MIOS: variants seen among roughly 807,000 people sequenced by gnomAD.
The protein encoded by MIOS is meiosis regulator for oocyte development, also known as GATOR2 complex protein MIOS.
In MIOS, 52 loss-of-function variants were observed where a neutral mutation model predicts 96.9. The ratio of observed to expected loss-of-function variants is 0.54; its 90% CI spans 0.43 to 0.68. The LOEUF is 0.68. Ranked by LOEUF, MIOS falls within the 30% of genes least tolerant of loss-of-function variation. MIOS has a pLI of 0.00. For missense variants in MIOS, 1,005 were observed against 1,052.8 expected, an observed-to-expected ratio of 0.95 and a Z score of 0.63; for synonymous variants, 397 against 359.5, an observed-to-expected ratio of 1.10 and a Z score of -1.18.
chr7:7,568,785 C>T (rs1262261995), intron 3 of MIOS, among the ~76,000 whole-genome samples: 2 of 152,178 alleles, frequency 1.3e-5, no homozygotes, highest in East Asian at 3.8e-4. Context: ...TCACTTTACT[C>T]CTTTGTGAAA....
rs917175887 is a variant in MIOS, at chr7:7,573,839, A to G, written c.1294+70A>G. 2 of 1,369,890 alleles carry G rather than the reference A, an allele frequency of 1.5e-6. No individual in the cohort carries two copies. Among genetic ancestry groups the G allele is most frequent in the Non-Finnish European group, 2.0e-6 (2 of 1,004,652 alleles). 84.9% of individuals were successfully genotyped at this position (1,369,890 alleles called of 1,614,324 possible). A position where few individuals can be genotyped will look rare whatever the true frequency, so the allele number is the denominator to read the frequency against. On this transcript the variant is annotated intron_variant, in intron 4 of 12. Transcript: ENST00000340080. This position sits in a 1 kb window ranked among gnomAD's most constrained non-coding sequence, Gnocchi z 5.0. Reference sequence around the variant, plus strand: ...TGTTCTTGAAGTTTGCCAAAAGGTCAGTCTGTAAATATGCTCAATGTTTTA... The same window carrying G: ...TGTTCTTGAAGTTTGCCAAAAGGTCGGTCTGTAAATATGCTCAATGTTTTA...
intron 11 of MIOS, among the ~76,000 whole-genome samples, chr7:7,599,886 A>T (rs532408024): frequency 6.6e-6 from 1 of 152,190 alleles, no homozygotes; most frequent in Non-Finnish European, 1.5e-5. Context: ...AGCAGCATGG[A>T]TAGAGCTGGA....
intron 9 of MIOS, among the ~76,000 whole-genome samples, chr7:7,593,223 C>T (rs183187647): frequency 2.2e-4 from 34 of 152,268 alleles, no homozygotes; most frequent in Admixed American, 4.6e-4. Flanking sequence ...CCTACTTGGT[C>T]ATAATTAGGG....
chr7:7,580,125 A>G (rs1229537837), intron 5 of MIOS, among the ~76,000 whole-genome samples: 1 of 152,204 alleles, frequency 6.6e-6, no homozygotes, highest in Non-Finnish European at 1.5e-5. Flanking sequence ...CACACCTTAT[A>G]ATACATCTCA....
At position 7,572,984 on chromosome 7, in the gene MIOS, C is replaced by T; in HGVS notation, c.509C>T (p.Thr170Ile). ...AAACTTTCAGCAGGTGAAACTGAAA[C>T]AACATTATTAGTAACAAAACCACTT... ...KVKLSAGETETTLLVTKPLYE... is the reference protein window; with the variant it reads ...KVKLSAGETEITLLVTKPLYE... The change falls in exon 4 of 13, where the codon ACA (threonine) becomes ATA (isoleucine). Residue 170 changes from threonine (T) to isoleucine (I), a missense_variant. Physicochemically the swap from Thr to Ile is moderately conservative, Grantham distance 89 (BLOSUM62 -1). Coordinates refer to ENST00000340080, the MANE Select transcript of MIOS (RefSeq NM_019005.4). This position sits in a 1 kb window ranked among gnomAD's most constrained non-coding sequence, Gnocchi z 4.8. The T allele has an allele frequency of 6.2e-7, 1 of 1,614,016 alleles. No homozygotes were observed. The highest frequency in any genetic ancestry group is 8.5e-7 in the Non-Finnish European group (1 of 1,179,964).
At position 7,573,343 on chromosome 7, in the gene MIOS, A is replaced by G; in HGVS notation, c.868A>G (p.Ser290Gly). ...TCTACTTGCCACTTTAACAAGGGAT[A>G]GTAATATTATTAGATTGTATGATAT... ...TGLLATLTRD[S>G]NIIRLYDMQH... The change falls in exon 4 of 13, where the codon AGT becomes GGT. Residue 290 changes from serine (S) to glycine (G), a missense_variant. Coordinates refer to ENST00000340080, the MANE Select transcript of MIOS (RefSeq NM_019005.4). This position sits in a 1 kb window ranked among gnomAD's most constrained non-coding sequence, Gnocchi z 5.0. 1 of 1,614,150 alleles carries G rather than the reference A, an allele frequency of 6.2e-7. No homozygotes were observed. The highest frequency in any genetic ancestry group is 8.5e-7 in the Non-Finnish European group (1 of 1,179,978).
chr7:7,570,662 ATCAGGCATTAGAT>A (rs1271180689), intron 3 of MIOS, among the ~76,000 whole-genome samples: 1 of 151,846 alleles, frequency 6.6e-6, no homozygotes, highest in Non-Finnish European at 1.5e-5. Flanking sequence ...GTGACAGATC[ATCAGGCATTAGAT>A]TCTCACAAGG....
intron 9 of MIOS, among the ~76,000 whole-genome samples, chr7:7,589,833 C>T (rs1783998056): frequency 1.3e-5 from 2 of 152,182 alleles, no homozygotes; most frequent in Admixed American, 1.3e-4. Context: ...TAGAGAAACT[C>T]TCTTCAGTTT....
At chr7:7,583,444 A>G (rs1307993426) in intron 6 of MIOS, 72 bp downstream of exon 6, 2 of 1,412,770 alleles carry the variant, frequency 1.4e-6, no homozygotes, top group Admixed American at 2.6e-5. Flanking sequence ...TTTAAAGAAA[A>G]GAGGCTAATA....
chr7:7,608,167 T>TC lies in MIOS; in HGVS notation c.*1075_*1076insC, dbSNP rs1212573983. On this transcript the variant is annotated 3_prime_UTR_variant, in exon 13 of 13. Transcript: ENST00000340080. ...AAGTCAGGTACTTTATTTAAAACAT[T>TC]TTTTTTTCTCATTTCATAGCTAGAT... The TC allele has an allele frequency of 6.6e-6, 1 of 151,142 alleles. No individual in the cohort carries two copies. Among genetic ancestry groups the TC allele is most frequent in the African/African-American group, 2.4e-5 (1 of 41,014 alleles). The allele number at this position is 151,142 out of a possible 1,614,324, so 9.4% of individuals were successfully genotyped here.
rs558698622 is a variant in MIOS at position 7,606,955 on chromosome 7, C to T, written c.2532-41C>T. The T allele has an allele frequency of 2.9e-6, 4 of 1,382,594 alleles. No individual in the cohort carries two copies. The East Asian group carries it at 6.9e-5, about 24-fold the overall frequency. 85.6% of individuals were successfully genotyped at this position (1,382,594 alleles called of 1,614,324 possible). A position where few individuals can be genotyped will look rare whatever the true frequency, so the allele number is the denominator to read the frequency against. ...AATAAATAAATAAATGTATGTCTGT[C>T]TAATTTGGATTTTTAACTGTTATTT... On this transcript the variant is annotated intron_variant, in intron 12 of 12. Transcript: ENST00000340080.
At position 7,573,145 on chromosome 7, in the gene MIOS, A is replaced by G; in HGVS notation, c.670A>G (p.Thr224Ala). ...TACAAGCCAAAAGATGTTCGTAAAT[A>G]CAAAAGCTGTTCAGGGTGTGACGGT... ...RNTSQKMFVN[T>A]KAVQGVTVDP... The change falls in exon 4 of 13, where the codon ACA (threonine) becomes GCA (alanine). Residue 224 changes from threonine to alanine, a missense_variant. Coordinates refer to ENST00000340080, the MANE Select transcript of MIOS (RefSeq NM_019005.4). This position sits in a 1 kb window ranked among gnomAD's most constrained non-coding sequence, Gnocchi z 5.0. 6.2e-7 allele frequency: 1 copy of G among 1,614,112 alleles called. No homozygotes were observed. Among genetic ancestry groups the G allele is most frequent in the Non-Finnish European group, 8.5e-7 (1 of 1,179,968 alleles).
At chr7:7,580,718 A>G (rs1244047685) in intron 5 of MIOS, among the ~76,000 whole-genome samples, 15 of 139,540 alleles carry the variant, frequency 1.1e-4, no homozygotes, top group African/African-American at 4.0e-4. Context: ...TTTTAAAGAG[A>G]CAGAATCTCA....
chr7:7,593,764 T>C (rs1285294807), intron 9 of MIOS, among the ~76,000 whole-genome samples: 1 of 150,232 alleles, frequency 6.7e-6, no homozygotes, highest in East Asian at 2.0e-4. Context: ...GGCACACCCC[T>C]GTAATCCCAG....
chr7:7,602,226 C>T (rs968444417), intron 11 of MIOS, among the ~76,000 whole-genome samples: 3 of 152,214 alleles, frequency 2.0e-5, no homozygotes, highest in Admixed American at 6.5e-5. Context: ...CTGGCCAGGG[C>T]AATCAGACAG....
rs561323133 is a variant in MIOS at position 7,602,328 on chromosome 7, T to C, written c.2402-3614T>C. ...ATGATTGTATACCTAGAAATCCCCATTGTCTCAGCCCAAAATCTCCTTAAG... is the reference window on the plus strand; with the variant it reads ...ATGATTGTATACCTAGAAATCCCCACTGTCTCAGCCCAAAATCTCCTTAAG... On this transcript the variant is annotated intron_variant, in intron 11 of 12. Coordinates refer to ENST00000340080, the MANE Select transcript of MIOS (RefSeq NM_019005.4). 3.0e-3 allele frequency among the ~76,000 whole-genome samples: 450 copies of C among 152,306 alleles called. 6 individuals are homozygous for C. The highest frequency in any genetic ancestry group is 0.01 in the Admixed American group (154 of 15,300).
chr7:7,602,650 C>G (rs1784413447), intron 11 of MIOS, among the ~76,000 whole-genome samples: 3 of 152,036 alleles, frequency 2.0e-5, no homozygotes, highest in South Asian at 2.1e-4. Context: ...CCATACTGCC[C>G]AAGGTAATTT....
In MIOS at chr7:7,569,230, G is replaced by A. The variant is rs151041927; in HGVS notation, c.-41+1107G>A. Among the ~76,000 whole-genome samples, 378 of 152,210 alleles carry A rather than the reference G, an allele frequency of 2.5e-3. 1 individual carries two copies. Among genetic ancestry groups the A allele is most frequent in the African/African-American group, 8.8e-3 (364 of 41,516 alleles). ...TGCTGTCGTAGCTGCTTCCTGTTACGTGAGGTGCCCCTCTTCCTCCTCATT... is the reference window on the plus strand; with the variant it reads ...TGCTGTCGTAGCTGCTTCCTGTTACATGAGGTGCCCCTCTTCCTCCTCATT... On this transcript the variant is annotated intron_variant, in intron 3 of 12. Transcript: ENST00000340080.
At position 7,608,120 on chromosome 7, in the gene MIOS, A is replaced by G. The variant is rs1221150766; in HGVS notation, c.*1028A>G. The stretch of plus-strand genomic sequence containing the variant: ...GAGACCATTTTAGATGTAAGTTTTT[A>G]AATGTAAGTGTTACTGGGGCTAAGT... On this transcript the variant is annotated 3_prime_UTR_variant, in exon 13 of 13. Transcript: ENST00000340080. 6.6e-6 allele frequency: 1 copy of G among 151,494 alleles called. No individual in the cohort carries two copies. Among genetic ancestry groups the G allele is most frequent in the Non-Finnish European group, 1.5e-5 (1 of 67,882 alleles). The allele number at this position is 151,494 out of a possible 1,614,324, so 9.4% of individuals were successfully genotyped here.
Sources: gnomAD v4.1 joint callset for allele counts (sites outside exome capture counted in the v4.1 genomes callset) on GRCh38, gnomAD v4.1.1 for gene constraint, Gnocchi (gnomAD v3.1) non-coding constraint, MANE v1.5 for transcripts, NCBI Gene and HGNC (gene_info 2026-07-23, HGNC 2026-07-21) for gene names.